ZNF248: variants seen among roughly 807,000 people sequenced by gnomAD.
ZNF248 encodes the protein zinc finger protein 248.
In ZNF248, 20 loss-of-function variants were observed where a neutral mutation model predicts 44.3. The ratio of observed to expected loss-of-function variants is 0.45; its 90% CI spans 0.32 to 0.66. ZNF248 has a LOEUF of 0.66. Among genes scored for constraint, ZNF248 ranks in the 30% least tolerant of loss-of-function variants. ZNF248 has a pLI of 0.04. For missense variants in ZNF248, 654 were observed against 677.0 expected, an observed-to-expected ratio of 0.97 and a Z score of 0.38; for synonymous variants, 224 against 229.0, an observed-to-expected ratio of 0.98 and a Z score of 0.20.
chr10:37,818,385 C>T (rs1264782148), intron 6 of ZNF248, among the ~76,000 whole-genome samples: 2 of 152,184 alleles, frequency 1.3e-5, no homozygotes, highest in African/African-American at 4.8e-5. Context: ...GAACCTCATG[C>T]CGGGCCTTTT....
chr10:37,837,761 G>A (rs1378975380), intron 4 of ZNF248, 49 bp from the exon 5 acceptor site: 2 of 1,561,094 alleles, frequency 1.3e-6, no homozygotes, highest in Non-Finnish European at 1.8e-6. Context: ...CTTGGTTTCA[G>A]GGGCTCTGAA....
downstream of ZNF248, among the ~76,000 whole-genome samples, chr10:37,773,712 G>C (rs1306404309): frequency 6.6e-6 from 1 of 152,044 alleles, no homozygotes; most frequent in Admixed American, 6.6e-5. Flanking sequence ...CATCCCCCTG[G>C]TTGCATGTCC....
Position 37,830,242 on chromosome 10 carries a change from A to G in ZNF248, c.*1373T>C. On this transcript the variant is annotated 3_prime_UTR_variant, in exon 6 of 6. Coordinates refer to ENST00000395867, the MANE Select transcript of ZNF248 (RefSeq NM_021045.3). ...AAAACCATTCTTATTAACAACATTT[A>G]CATTACAGAATGACCCAGAGGTAGC... 2.0e-6 allele frequency: 2 copies of G among 985,400 alleles called. No homozygotes were observed. The highest frequency in any genetic ancestry group is 2.4e-6 in the Non-Finnish European group (2 of 829,930). The allele number at this position is 985,400 out of a possible 1,614,324, so 61.0% of individuals were successfully genotyped here.
chr10:37,801,472 C>T (rs116221664), intron 6 of ZNF248, among the ~76,000 whole-genome samples: 15 of 151,920 alleles, frequency 9.9e-5, no homozygotes, highest in African/African-American at 3.6e-4. Flanking sequence ...AAAATATTCT[C>T]ATAAAGCCAA....
At chr10:37,787,381 G>A (rs141236794) in intron 6 of ZNF248, among the ~76,000 whole-genome samples, 10 of 152,122 alleles carry the variant, frequency 6.6e-5, no homozygotes, top group South Asian at 4.1e-4. Flanking sequence ...GCATAAGTAC[G>A]AACACATAGA....
At chr10:37,761,632 T>G in the ZNF248 span, among the ~76,000 whole-genome samples, 1 of 152,336 alleles carries the variant, frequency 6.6e-6, no homozygotes, top group South Asian at 2.1e-4. Flanking sequence ...AGTGAATAAC[T>G]TTACTTCAAA....
At chr10:37,797,425 A>C (rs1056087040) in intron 6 of ZNF248, among the ~76,000 whole-genome samples, 1 of 152,212 alleles carries the variant, frequency 6.6e-6, no homozygotes, top group African/African-American at 2.4e-5. Flanking sequence ...CACCCAAAGC[A>C]TGAGCTACCA....
intron 6 of ZNF248, chr10:37,820,951 C>G (rs1282670056): frequency 1.3e-6 from 2 of 1,595,344 alleles, no homozygotes; most frequent in Admixed American, 3.3e-5. Flanking sequence ...TTCCTGCCGT[C>G]GTGGGTCCAG....
chr10:37,792,067 G>A (rs1390513489), intron 6 of ZNF248: 1 of 152,194 alleles, frequency 6.6e-6, no homozygotes, highest in African/African-American at 2.4e-5. Context: ...ATGGAGGAGG[G>A]TGACAAGGTA....
chr10:37,833,736 A>AAAT (rs2056483169), intron 5 of ZNF248, among the ~76,000 whole-genome samples: 3 of 152,160 alleles, frequency 2.0e-5, no homozygotes, highest in African/African-American at 7.2e-5. Context: ...TATTGAGAAG[A>AAAT]AATAGTTTTT....
intron 6 of ZNF248, among the ~76,000 whole-genome samples, chr10:37,802,009 T>G (rs1157559216): frequency 6.6e-6 from 1 of 152,240 alleles, no homozygotes; most frequent in African/African-American, 2.4e-5. Context: ...ATCAAAAATC[T>G]GCAGCTCAGC....
chr10:37,763,297 G>C, the ZNF248 span, among the ~76,000 whole-genome samples: 1 of 152,196 alleles, frequency 6.6e-6, no homozygotes, highest in African/African-American at 2.4e-5. Context: ...TTCACAGCAG[G>C]CTTGCAAGAC....
At chr10:37,776,524 C>A (rs2046598118), downstream of ZNF248, 3 of 398,310 alleles carry the variant, frequency 7.5e-6, no homozygotes, top group African/African-American at 6.2e-5. Context: ...TCCTAGGGCG[C>A]CTTCTTCTTA....
At chr10:37,815,742 G>A (rs2052345188) in intron 6 of ZNF248, among the ~76,000 whole-genome samples, 2 of 151,820 alleles carry the variant, frequency 1.3e-5, no homozygotes, top group Non-Finnish European at 2.9e-5. Context: ...TTATGGTGTG[G>A]TATCTCTGGA....
At position 37,829,540 on chromosome 10, in the gene ZNF248, C is replaced by T. The variant is rs1337920543; in HGVS notation, c.*2075G>A. ...CTGGAATGCCTTCAGCTCTAAGTAT[C>T]AGACAGCCCTAAGACCAAATAAAAA... is the stretch of plus-strand genomic sequence containing the variant. On this transcript the variant is annotated 3_prime_UTR_variant, in exon 6 of 6. Coordinates refer to ENST00000395867, the MANE Select transcript of ZNF248 (RefSeq NM_021045.3). 3 of 985,306 alleles carry T rather than the reference C, an allele frequency of 3.0e-6. No individual in the cohort carries two copies. In the East Asian group the frequency reaches 3.4e-4, roughly 112 times the overall value. 61.0% of individuals were successfully genotyped at this position (985,306 alleles called of 1,614,324 possible).
At chr10:37,834,955 A>C (rs777753345) in intron 5 of ZNF248, among the ~76,000 whole-genome samples, 14 of 152,342 alleles carry the variant, frequency 9.2e-5, no homozygotes, top group Non-Finnish European at 1.8e-4. Flanking sequence ...AGTCATTGAA[A>C]GGGAAATTTA....
chr10:37,854,508 T>C (rs1359743405), intron 3 of ZNF248, among the ~76,000 whole-genome samples: 2 of 152,222 alleles, frequency 1.3e-5, no homozygotes, highest in East Asian at 1.9e-4. Flanking sequence ...AAATCGCAGA[T>C]GCAAACTATA....
At chr10:37,787,789 G>C (rs1167789532) in intron 6 of ZNF248, among the ~76,000 whole-genome samples, 1 of 151,934 alleles carries the variant, frequency 6.6e-6, no homozygotes, top group Non-Finnish European at 1.5e-5. Context: ...GTGACCACTG[G>C]TTAGACAAAG....
chr10:37,849,415 C>T (rs2059846564), intron 3 of ZNF248, among the ~76,000 whole-genome samples: 1 of 152,148 alleles, frequency 6.6e-6, no homozygotes, highest in South Asian at 2.1e-4. Flanking sequence ...GGCACAGTGG[C>T]TCACGCCTTG....
Sources: allele counts gnomAD v4.1 joint callset (sites outside exome capture counted in the v4.1 genomes callset), GRCh38; gene constraint gnomAD v4.1.1; transcripts MANE v1.5; gene names NCBI Gene and HGNC (gene_info 2026-07-23, HGNC 2026-07-21).